The following SCN8A variants were observed in gnomAD, a reference collection of about 807,000 sequenced individuals.
SCN8A encodes the protein sodium channel protein type 8 subunit alpha.
SCN8A carries 30 observed loss-of-function variants against 184.1 expected under a neutral mutation model. That is an observed-to-expected ratio of 0.16 (90% CI 0.12 to 0.22). The LOEUF (loss-of-function observed/expected upper bound fraction) is 0.22. Ranked by LOEUF, SCN8A falls within the 10% of genes least tolerant of loss-of-function variation. SCN8A has a pLI of 1.00. For synonymous variants in SCN8A, 852 were observed against 907.0 expected (o/e 0.94, Z 1.09); for missense variants, 1,057 against 2,498.9 (o/e 0.42, Z 12.30).
chr12:51,805,673 A>T (rs1007680868), intron 26 of SCN8A, among the ~76,000 whole-genome samples: 1 of 149,732 alleles, frequency 6.7e-6, no homozygotes, highest in East Asian at 2.0e-4. Context: ...CAGGAGGATC[A>T]CTTGAGCCCA....
chr12:51,631,612 A>C (rs1940197906), intron 1 of SCN8A, among the ~76,000 whole-genome samples: 1 of 152,222 alleles, frequency 6.6e-6, no homozygotes, highest in Admixed American at 6.5e-5. Flanking sequence ...TTCATGTCTA[A>C]GATGCTAGAG....
At chr12:51,780,591 T>TTG in intron 20 of SCN8A, 58 bp from the exon 21 acceptor site, 2 of 333,584 alleles carry the variant, frequency 6.0e-6, no homozygotes, top group South Asian at 7.4e-5. Context: ...TTTTTTTTTT[T>TTG]TTTTTTTTTT....
chr12:51,697,672 T>A (rs2138731907), intron 6 of SCN8A, among the ~76,000 whole-genome samples: 1 of 152,374 alleles, frequency 6.6e-6, no homozygotes, highest in Non-Finnish European at 1.5e-5. Context: ...CCAGGAACTT[T>A]ACTAGGTATT....
chr12:51,666,361 T>C (rs1941033471), intron 2 of SCN8A, among the ~76,000 whole-genome samples: 1 of 152,210 alleles, frequency 6.6e-6, no homozygotes, highest in Admixed American at 6.5e-5. Flanking sequence ...CCCGCTGTTA[T>C]ACAAATGTCT....
At position 51,806,922 on chromosome 12, in the gene SCN8A, A is replaced by G; in HGVS notation, c.5436A>G (p.Ala1812=). The part of the protein sequence containing the change: ...FIEYCKLADF[A]DALEHPLRVP... Reference sequence around the variant, plus strand: ...AGTACTGTAAGCTGGCAGACTTTGCAGATGCCTTGGAGCATCCTCTCCGAG... The same window carrying G: ...AGTACTGTAAGCTGGCAGACTTTGCGGATGCCTTGGAGCATCCTCTCCGAG... The change falls in exon 27 of 27, where the codon GCA becomes GCG. Residue 1812 remains alanine (A), a synonymous_variant. Coordinates refer to ENST00000627620, the MANE Select transcript of SCN8A (RefSeq NM_001330260.2). This position sits in a 1 kb window ranked among gnomAD's most constrained non-coding sequence, Gnocchi z 8.7. 2 of 1,613,334 alleles carry G rather than the reference A, an allele frequency of 1.2e-6. No homozygotes were observed. The highest frequency in any genetic ancestry group is 1.7e-6 in the Non-Finnish European group (2 of 1,179,294).
rs34564079 is a variant in SCN8A, at chr12:51,679,721, C to CTTTTTTTTTTTTT, written c.277-4443_277-4431dup. Among the ~76,000 whole-genome samples the CTTTTTTTTTTTTT allele has an allele frequency of 7.6e-4, 65 of 85,478 alleles. 8 individuals are homozygous for CTTTTTTTTTTTTT. Among genetic ancestry groups the CTTTTTTTTTTTTT allele is most frequent in the African/African-American group, 2.1e-3 (47 of 22,050 alleles). The allele number at this position is 85,478 out of a possible 152,430, so 56.1% of individuals were successfully genotyped here. On this transcript the variant is annotated intron_variant, in intron 2 of 26. Coordinates refer to ENST00000627620, the MANE Select transcript of SCN8A (RefSeq NM_001330260.2). ...TGTGTTTGTCCAAAGACTATCTTGCCTTTTTTTTTTTTTTTTTTTTTTGAG... is the reference window on the plus strand; with the variant it reads ...TGTGTTTGTCCAAAGACTATCTTGCCTTTTTTTTTTTTTTTTTTTTTTTTTTTTTTTTTTTGAG...
intron 15 of SCN8A, among the ~76,000 whole-genome samples, chr12:51,764,784 T>TC (rs977746319): frequency 1.3e-5 from 2 of 151,508 alleles, no homozygotes; most frequent in African/African-American, 4.8e-5. Context: ...TTCTTTTTTT[T>TC]TTTTTTCTTA....
At chr12:51,768,124 A>G (rs950288725) in intron 16 of SCN8A, 1 of 152,234 alleles carries the variant, frequency 6.6e-6, no homozygotes, top group African/African-American at 2.4e-5. Flanking sequence ...ATGACAAAGT[A>G]AGGACCAAGT....
intron 8 of SCN8A, among the ~76,000 whole-genome samples, chr12:51,701,601 G>A (rs529634598): frequency 2.0e-5 from 3 of 152,282 alleles, no homozygotes; most frequent in African/African-American, 7.2e-5. Context: ...AAAAAGAGTA[G>A]CAACGTAGTA....
At position 51,806,292 on chromosome 12, in the gene SCN8A, G is replaced by A. The variant is rs777710912; in HGVS notation, c.4806G>A (p.Leu1602=). The A allele has an allele frequency of 6.6e-7, 1 of 1,518,140 alleles. No homozygotes were observed. The highest frequency in any genetic ancestry group is 8.8e-7 in the Non-Finnish European group (1 of 1,133,990). The allele number at this position is 1,518,140 out of a possible 1,614,324, so 94.0% of individuals were successfully genotyped here. ...VVILSIVGMF[L]ADIIEKYFVS... is the part of the protein sequence containing the mutation. Reference sequence around the variant, plus strand: ...TATTCCTCTTCTTAGGAATGTTCCTGGCAGATATAATTGAGAAATACTTTG... The same window carrying A: ...TATTCCTCTTCTTAGGAATGTTCCTAGCAGATATAATTGAGAAATACTTTG... Residue 1602 remains leucine, a synonymous_variant, in exon 27 of 27, where the codon CTG becomes CTA. Transcript: ENST00000627620. This position sits in a 1 kb window ranked among gnomAD's most constrained non-coding sequence, Gnocchi z 8.7.
chr12:51,621,471 C>A (rs1290557132), intron 1 of SCN8A, among the ~76,000 whole-genome samples: 1 of 152,146 alleles, frequency 6.6e-6, no homozygotes, highest in Non-Finnish European at 1.5e-5. Flanking sequence ...TATTGGTGAC[C>A]CCTTTTAGAT....
chr12:51,715,170 C>G (rs1941944462), intron 11 of SCN8A, among the ~76,000 whole-genome samples: 1 of 152,160 alleles, frequency 6.6e-6, no homozygotes, highest in South Asian at 2.1e-4. Flanking sequence ...GCAGACTACT[C>G]TTTTGCAAAG....
chr12:51,725,064 A>G (rs147993173), intron 12 of SCN8A, among the ~76,000 whole-genome samples: 32 of 152,344 alleles, frequency 2.1e-4, no homozygotes, highest in Non-Finnish European at 4.0e-4. Flanking sequence ...GGATGGTGAC[A>G]GACTTGAGAA....
At chr12:51,728,910 T>C (rs1448977973) in intron 12 of SCN8A, among the ~76,000 whole-genome samples, 1 of 152,110 alleles carries the variant, frequency 6.6e-6, no homozygotes, top group Non-Finnish European at 1.5e-5. Context: ...AGCTTCCCCA[T>C]GCCAACAGCC....
At chr12:51,674,178 A>G (rs1941181787) in intron 2 of SCN8A, among the ~76,000 whole-genome samples, 1 of 152,194 alleles carries the variant, frequency 6.6e-6, no homozygotes, top group African/African-American at 2.4e-5. Flanking sequence ...TCTCACTTCC[A>G]GAGTTCCCAG....
intron 20 of SCN8A, among the ~76,000 whole-genome samples, chr12:51,774,851 C>T (rs1225946166): frequency 6.6e-6 from 1 of 152,170 alleles, no homozygotes; most frequent in African/African-American, 2.4e-5. Flanking sequence ...CTCATCCAAA[C>T]AAGTCAGTTT....
chr12:51,624,647 T>C (rs1940036737), intron 1 of SCN8A, among the ~76,000 whole-genome samples: 1 of 152,206 alleles, frequency 6.6e-6, no homozygotes, highest in African/African-American at 2.4e-5. Context: ...TTGGCTTTTG[T>C]TGCCGTTGCT....
At position 51,758,395 on chromosome 12, in the gene SCN8A, C is replaced by T. The variant is rs183317863; in HGVS notation, c.2371-4108C>T. 3.9e-5 allele frequency among the ~76,000 whole-genome samples: 6 copies of T among 152,138 alleles called. No individual in the cohort carries two copies. In the East Asian group the frequency reaches 5.8e-4, roughly 15 times the overall value. ...GAAAAACTGGAAGAATGGCATTGTT[C>T]GACATTTTGCAAGTCTCTTTAATGT... On this transcript the variant is annotated intron_variant, in intron 14 of 26. Transcript: ENST00000627620.
At chr12:51,642,290 A>G (rs1467697153) in intron 1 of SCN8A, among the ~76,000 whole-genome samples, 1 of 152,236 alleles carries the variant, frequency 6.6e-6, no homozygotes, top group African/African-American at 2.4e-5. Context: ...GCTGTTTGAT[A>G]CAAGGCAACC....
Sources: gnomAD v4.1 joint callset for allele counts (sites outside exome capture counted in the v4.1 genomes callset) on GRCh38, gnomAD v4.1.1 for gene constraint, Gnocchi (gnomAD v3.1) non-coding constraint, MANE v1.5 for transcripts, NCBI Gene and HGNC (gene_info 2026-07-23, HGNC 2026-07-21) for gene names.